POLE4: variants seen among roughly 807,000 people sequenced by gnomAD.
The protein encoded by POLE4 is DNA polymerase epsilon subunit 4.
A neutral mutation model predicts 15.6 loss-of-function variants in POLE4; 15 were observed. The ratio of observed to expected loss-of-function variants is 0.96; its 90% confidence interval spans 0.64 to 1.48. The LOEUF (loss-of-function observed/expected upper bound fraction) is 1.48. POLE4 is among the 40% of genes most tolerant of loss of function. The pLI, the probability that POLE4 is intolerant of heterozygous loss-of-function variation, is 0.00. For missense variants in POLE4, 205 were observed against 151.9 expected (o/e 1.35, Z -1.84); for synonymous variants, 83 against 63.2 (o/e 1.31, Z -1.49).
intron 3 of POLE4, chr2:74,960,461 C>T (rs1045704561): frequency 8.5e-6 from 4 of 467,966 alleles, no homozygotes; most frequent in African/African-American, 5.9e-5. Flanking sequence ...GCTTGCCCCC[C>T]CTCATCATGT....
chr2:74,959,205 G>C, intron 1 of POLE4, 136 bp from the exon 2 acceptor site: 1 of 639,852 alleles, frequency 1.6e-6, no homozygotes, highest in Non-Finnish European at 2.8e-6. Context: ...ATGAAGTCCA[G>C]GACAATCTTA....
intron 3 of POLE4, among the ~76,000 whole-genome samples, chr2:74,962,758 A>G (rs1239117454): frequency 6.6e-6 from 1 of 152,034 alleles, no homozygotes; most frequent in African/African-American, 2.4e-5. Flanking sequence ...CATCATACCT[A>G]TTCTCATCCC....
chr2:74,959,893 GC>G, intron 2 of POLE4: 1 of 563,722 alleles, frequency 1.8e-6, no homozygotes, highest in Non-Finnish European at 3.2e-6. Context: ...AATGGTATTT[GC>G]CTATGCTTTT....
At chr2:74,963,371 T>C (rs946807968) in intron 3 of POLE4, among the ~76,000 whole-genome samples, 2 of 152,256 alleles carry the variant, frequency 1.3e-5, no homozygotes, top group Admixed American at 1.3e-4. Context: ...TTGCCCTGAT[T>C]GTGGGTGACA....
chr2:74,959,329 T>A lies in POLE4; in HGVS notation c.214-12T>A. On this transcript the variant is annotated splice_polypyrimidine_tract_variant and intron_variant, in intron 1 of 3. Transcript: ENST00000483063. ...GAACCCATTACTAAAACTTTGCTTT[T>A]TTACTTCACAGGAACTGTTTGTGGA... is the stretch of plus-strand genomic sequence containing the variant. 6.2e-7 allele frequency: 1 copy of A among 1,607,386 alleles called. No homozygotes were observed. Among genetic ancestry groups the A allele is most frequent in the Non-Finnish European group, 8.5e-7 (1 of 1,174,352 alleles).
At chr2:74,965,502 A>G (rs1167836964) in intron 3 of POLE4, among the ~76,000 whole-genome samples, 1 of 152,196 alleles carries the variant, frequency 6.6e-6, no homozygotes, top group Non-Finnish European at 1.5e-5. Flanking sequence ...AGGGGTTGCA[A>G]TGCCAAATTT....
In POLE4 at chr2:74,963,789, C is replaced by T. The variant is rs144679823; in HGVS notation, c.340+3643C>T. ...ACAGGTGTGAGCCACTGCGCCCAGC[C>T]GTGCTTGTTATATTTTAGATATGAA... On this transcript the variant is annotated intron_variant, in intron 3 of 3. Coordinates refer to ENST00000483063, the MANE Select transcript of POLE4 (RefSeq NM_019896.4). Among the ~76,000 whole-genome samples the T allele has an allele frequency of 6.4e-3, 974 of 152,210 alleles. 6 individuals are homozygous for T. Among genetic ancestry groups the T allele is most frequent in the Middle Eastern group, 0.01 (3 of 292 alleles).
intron 3 of POLE4, 141 bp downstream of exon 3, chr2:74,960,287 A>G: frequency 1.4e-6 from 1 of 730,100 alleles, no homozygotes; most frequent in Middle Eastern, 2.4e-4. Context: ...AGAAAAAAGT[A>G]ACTTGCTAAA....
intron 3 of POLE4, among the ~76,000 whole-genome samples, chr2:74,966,074 C>T (rs1671291242): frequency 6.7e-6 from 1 of 149,374 alleles, no homozygotes. Context: ...CAATTTTTGG[C>T]CTTCTTTTGG....
At chr2:74,959,976 C>A in intron 2 of POLE4, 129 bp from the exon 3 acceptor site, 1 of 715,270 alleles carries the variant, frequency 1.4e-6, no homozygotes, top group Non-Finnish European at 2.5e-6. Context: ...CTCAAGGCAG[C>A]AAGGGACGCA....
chr2:74,960,192 T>C (rs548504148), intron 3 of POLE4, 46 bp downstream of exon 3: 7 of 1,506,578 alleles, frequency 4.6e-6, no homozygotes, highest in Admixed American at 1.7e-5. Context: ...GTCTTTTGCA[T>C]GTTGATGTGA....
chr2:74,964,907 A>G (rs1671274382), intron 3 of POLE4, among the ~76,000 whole-genome samples: 1 of 152,052 alleles, frequency 6.6e-6, no homozygotes, highest in African/African-American at 2.4e-5. Flanking sequence ...AAGAGCAGGC[A>G]TTTTTGACTT....
chr2:74,958,716 C>A lies in POLE4; in HGVS notation c.37C>A (p.Arg13=), dbSNP rs779627545. ...AAAAAGSGTP[R]EEEGPAGEAA... ...GGCGGCGGCAGGAAGCGGGACGCCC[C>A]GAGAGGAGGAGGGACCTGCTGGGGA... is the stretch of plus-strand genomic sequence containing the variant. Residue 13 remains arginine (R), a synonymous_variant, in exon 1 of 4, where the codon CGA becomes AGA. Transcript: ENST00000483063. 1 of 1,495,358 alleles carries A rather than the reference C, an allele frequency of 6.7e-7. No homozygotes were observed. The highest frequency in any genetic ancestry group is 1.3e-5 in the South Asian group (1 of 78,888). The allele number at this position is 1,495,358 out of a possible 1,614,324, so 92.6% of individuals were successfully genotyped here.
intron 3 of POLE4, among the ~76,000 whole-genome samples, chr2:74,968,971 T>C (rs142816085): frequency 7.6e-4 from 115 of 152,294 alleles, no homozygotes; most frequent in African/African-American, 2.7e-3. Flanking sequence ...ATTTATACTT[T>C]TTAAACTTTT....
At position 74,959,303 on chromosome 2, in the gene POLE4, A is replaced by G. The variant is rs768872737; in HGVS notation, c.214-38A>G. 119 of 1,394,160 alleles carry G rather than the reference A, an allele frequency of 8.5e-5. No individual in the cohort carries two copies. The East Asian group carries it at 2.5e-3, about 30-fold the overall frequency. The allele number at this position is 1,394,160 out of a possible 1,614,324, so 86.4% of individuals were successfully genotyped here. A position where few individuals can be genotyped will look rare whatever the true frequency, so the allele number is the denominator to read the frequency against. Reference sequence around the variant, plus strand: ...GGAGCCCTCACCTCCTCAGTGTGTTAGAACCCATTACTAAAACTTTGCTTT... The same window carrying G: ...GGAGCCCTCACCTCCTCAGTGTGTTGGAACCCATTACTAAAACTTTGCTTT... On this transcript the variant is annotated intron_variant, in intron 1 of 3. Transcript: ENST00000483063.
chr2:74,958,929 A>C, intron 1 of POLE4, 37 bp downstream of exon 1: 3 of 1,287,808 alleles, frequency 2.3e-6, no homozygotes, highest in Non-Finnish European at 3.2e-6. Flanking sequence ...GGAGTGGGGG[A>C]GGTGGAGTGT....
At chr2:74,960,056 G>A in intron 2 of POLE4, 49 bp from the exon 3 acceptor site, 1 of 1,530,426 alleles carries the variant, frequency 6.5e-7, no homozygotes, top group Non-Finnish European at 9.1e-7. Context: ...TTCTGACTGA[G>A]GTCAGCATGG....
Position 74,959,392 on chromosome 2 carries a change from G to A in POLE4, c.265G>A (p.Gly89Arg). The A allele has an allele frequency of 6.2e-7, 1 of 1,613,186 alleles. No individual in the cohort carries two copies. Among genetic ancestry groups the A allele is most frequent in the Non-Finnish European group, 8.5e-7 (1 of 1,179,216 alleles). The change falls in exon 2 of 4, where the codon GGA becomes AGA. Residue 89 changes from glycine to arginine, a missense_variant. Physicochemically the swap from Gly to Arg is moderately radical, Grantham distance 125. Coordinates refer to ENST00000483063, the MANE Select transcript of POLE4 (RefSeq NM_019896.4). Reference sequence around the variant, plus strand: ...AGATGCCTACTGTTGCGCTCAGCAGGGAAAAAGGAAAACCCTTCAGAGGAG... The same window carrying A: ...AGATGCCTACTGTTGCGCTCAGCAGAGAAAAAGGAAAACCCTTCAGAGGAG... ...AKDAYCCAQQ[G>R]KRKTLQRRDL... is the part of the protein sequence containing the mutation.
rs766165944 is a variant in POLE4, at chr2:74,960,144, A to G, written c.338A>G (p.Glu113Gly). ...GCTGTGGATGAATTTGCTTTTCTGGAAGGTGAGTTCCCTCTCAGTGGGCAA... is the reference window on the plus strand; with the variant it reads ...GCTGTGGATGAATTTGCTTTTCTGGGAGGTGAGTTCCCTCTCAGTGGGCAA... ...IEAVDEFAFL[E>G]GTLD The change falls in exon 3 of 4, where the codon GAA (glutamate) becomes GGA (glycine). Residue 113 changes from glutamate (E) to glycine (G), a missense_variant and splice_region_variant. Physicochemically the swap from Glu to Gly is moderately conservative, Grantham distance 98. Coordinates refer to ENST00000483063, the MANE Select transcript of POLE4 (RefSeq NM_019896.4). The G allele has an allele frequency of 3.5e-5, 56 of 1,612,546 alleles. 1 individual carries two copies. In the South Asian group the frequency reaches 6.2e-4, roughly 18 times the overall value.
Sources: allele counts gnomAD v4.1 joint callset (sites outside exome capture counted in the v4.1 genomes callset), GRCh38; gene constraint gnomAD v4.1.1; transcripts MANE v1.5; gene names NCBI Gene and HGNC (gene_info 2026-07-23, HGNC 2026-07-21).